The following COL5A2 variants were observed in gnomAD, a reference collection of about 807,000 sequenced individuals.
COL5A2 encodes collagen alpha-2(V) chain.
In COL5A2, 23 loss-of-function variants were observed where a neutral mutation model predicts 208.2. The observed-to-expected ratio is 0.11, with a 90% CI of 0.08 to 0.16. The LOEUF (loss-of-function observed/expected upper bound fraction) is 0.16. Among genes scored for constraint, COL5A2 ranks in the 10% least tolerant of loss-of-function variants. The pLI, the probability that COL5A2 is intolerant of heterozygous loss-of-function variation, is 1.00. For synonymous variants in COL5A2, 625 were observed against 628.5 expected, an observed-to-expected ratio of 0.99 and a Z score of 0.08; for missense variants, 1,590 against 1,956.4, an observed-to-expected ratio of 0.81 and a Z score of 3.53.
At chr2:189,297,546 T>C in the COL5A2 span, among the ~76,000 whole-genome samples, 1 of 151,630 alleles carries the variant, frequency 6.6e-6, no homozygotes, top group South Asian at 2.1e-4. Context: ...TGTACTCATA[T>C]AACTGAAACT....
chr2:189,291,790 A>T, the COL5A2 span, among the ~76,000 whole-genome samples: 1 of 149,810 alleles, frequency 6.7e-6, no homozygotes. Context: ...GTGGAAAATT[A>T]AGCTCTTTGG....
chr2:189,244,165 T>A, the COL5A2 span, among the ~76,000 whole-genome samples: 140,954 of 152,266 alleles, frequency 0.93, 65,530 homozygotes, highest in East Asian at 1. Flanking sequence ...TTGGGGATTA[T>A]TATTTGGCTC....
intron 1 of COL5A2, among the ~76,000 whole-genome samples, chr2:189,191,222 T>C (rs1688923943): frequency 1.4e-5 from 2 of 147,110 alleles, no homozygotes; most frequent in Non-Finnish European, 3.0e-5. Context: ...AATTGGTTAG[T>C]AGCCTAGCAG....
At chr2:189,184,797 G>T (rs1028561050), upstream of COL5A2, among the ~76,000 whole-genome samples, 1 of 152,122 alleles carries the variant, frequency 6.6e-6, no homozygotes, top group Non-Finnish European at 1.5e-5. Context: ...GGATTAGGAC[G>T]TGAGTGCATC....
At position 189,084,055 on chromosome 2, in the gene COL5A2, T is replaced by C; in HGVS notation, c.799-18A>G. 3.1e-6 allele frequency: 5 copies of C among 1,601,956 alleles called. No homozygotes were observed. The highest frequency in any genetic ancestry group is 4.3e-6 in the Non-Finnish European group (5 of 1,169,074). The stretch of plus-strand genomic sequence containing the variant: ...GGTTCACCCTTTATGGAAAAAAATG[T>C]AGGAGATTGGGAAGGCAAAAGTGAT... On this transcript the variant is annotated intron_variant, in intron 11 of 53. Coordinates refer to ENST00000374866, the MANE Select transcript of COL5A2 (RefSeq NM_000393.5).
chr2:189,299,486 A>G, the COL5A2 span, among the ~76,000 whole-genome samples: 1 of 152,196 alleles, frequency 6.6e-6, no homozygotes, highest in Non-Finnish European at 1.5e-5. Context: ...TCTGATATCA[A>G]CATTCTGCCT....
chr2:189,041,473 G>A lies in COL5A2; in HGVS notation c.3633+113C>T, dbSNP rs561199251. The A allele has an allele frequency of 4.8e-6, 4 of 835,040 alleles. No individual in the cohort carries two copies. The South Asian group carries it at 5.4e-5, about 11-fold the overall frequency. The allele number at this position is 835,040 out of a possible 1,614,324, so 51.7% of individuals were successfully genotyped here. A position where few individuals can be genotyped will look rare whatever the true frequency, so the allele number is the denominator to read the frequency against. ...ATACTCTTGTGTGACTTCTACGTTT[G>A]TTTTCGGGGTCCCTTAAGTCTCTTG... On this transcript the variant is annotated intron_variant, in intron 50 of 53. Transcript: ENST00000374866.
intron 14 of COL5A2, 101 bp from the exon 15 acceptor site, chr2:189,079,208 A>T (rs1006315640): frequency 3.3e-6 from 3 of 914,828 alleles, no homozygotes; most frequent in African/African-American, 3.3e-5. Context: ...CAAAGAGGAC[A>T]TATGAAAGAT....
the COL5A2 span, among the ~76,000 whole-genome samples, chr2:189,320,451 C>CA: frequency 3.9e-5 from 6 of 152,130 alleles, no homozygotes; most frequent in African/African-American, 1.4e-4. Flanking sequence ...CTAGAATAAC[C>CA]AATGCAGAGA....
At chr2:189,057,069 C>T in intron 34 of COL5A2, 43 bp from the exon 35 acceptor site, 1 of 1,573,292 alleles carries the variant, frequency 6.4e-7, no homozygotes, top group Non-Finnish European at 8.7e-7. Context: ...TTAATTGTCT[C>T]TTTCCCACAC....
the COL5A2 span, among the ~76,000 whole-genome samples, chr2:189,357,052 C>T: frequency 6.6e-6 from 1 of 152,194 alleles, no homozygotes; most frequent in Non-Finnish European, 1.5e-5. Flanking sequence ...GCCTGGGTAT[C>T]ACCAGCAGAG....
At chr2:189,127,445 AC>A (rs569436643) in intron 1 of COL5A2, among the ~76,000 whole-genome samples, 47 of 152,154 alleles carry the variant, frequency 3.1e-4, no homozygotes, top group Admixed American at 2.2e-3. Context: ...CTCACTGGAA[AC>A]CCTTAAGAGG....
chr2:189,272,203 C>T, the COL5A2 span, among the ~76,000 whole-genome samples: 1 of 152,162 alleles, frequency 6.6e-6, no homozygotes, highest in Non-Finnish European at 1.5e-5. Flanking sequence ...GATAAAGACA[C>T]ATGCACACGT....
chr2:189,123,769 T>A (rs1328153047), intron 1 of COL5A2, among the ~76,000 whole-genome samples: 1 of 152,202 alleles, frequency 6.6e-6, no homozygotes, highest in South Asian at 2.1e-4. Flanking sequence ...CTAAAAGTTA[T>A]GTTAAGTGAG....
intron 24 of COL5A2, 139 bp from the exon 25 acceptor site, chr2:189,064,794 G>A (rs1686111320): frequency 1.2e-6 from 1 of 841,594 alleles, no homozygotes. Context: ...ATAAAATTTT[G>A]TCACCACATT....
intron 1 of COL5A2, among the ~76,000 whole-genome samples, chr2:189,176,091 T>G (rs1003108960): frequency 2.6e-5 from 4 of 152,106 alleles, no homozygotes; most frequent in Admixed American, 2.6e-4. Context: ...GATTTTTGTA[T>G]CGTAACAATG....
intron 1 of COL5A2, among the ~76,000 whole-genome samples, chr2:189,155,393 C>T (rs1688225873): frequency 6.6e-6 from 1 of 152,066 alleles, no homozygotes; most frequent in Non-Finnish European, 1.5e-5. Flanking sequence ...TGCCTGATTC[C>T]TTCTCAGATC....
At chr2:189,302,497 T>C in the COL5A2 span, among the ~76,000 whole-genome samples, 10 of 152,128 alleles carry the variant, frequency 6.6e-5, no homozygotes, top group Non-Finnish European at 1.5e-4. Context: ...TCCTATTTTC[T>C]TATAGGTCAT....
At chr2:189,337,477 C>T in the COL5A2 span, among the ~76,000 whole-genome samples, 17 of 152,128 alleles carry the variant, frequency 1.1e-4, no homozygotes, top group East Asian at 5.8e-4. Context: ...CCACCGCGCC[C>T]GGCCGACATC....
Sources: allele counts gnomAD v4.1 joint callset (sites outside exome capture counted in the v4.1 genomes callset), GRCh38; gene constraint gnomAD v4.1.1; transcripts MANE v1.5; gene names NCBI Gene and HGNC (gene_info 2026-07-23, HGNC 2026-07-21).